GPCPD1: variants seen among roughly 807,000 people sequenced by gnomAD.
The protein encoded by GPCPD1 is glycerophosphocholine phosphodiesterase 1.
A neutral mutation model predicts 89.2 loss-of-function variants in GPCPD1; 29 were observed. The ratio of observed to expected loss-of-function variants is 0.33; its 90% CI spans 0.24 to 0.44. The LOEUF is 0.44. Ranked by LOEUF, GPCPD1 falls within the 20% of genes least tolerant of loss-of-function variation. The probability of loss-of-function intolerance (pLI) is 1.00; values close to 1 mark genes in which losing one functional copy is unlikely to be tolerated. For synonymous variants in GPCPD1, 258 were observed against 266.3 expected (o/e 0.97, Z 0.30); for missense variants, 594 against 808.9 (o/e 0.73, Z 3.22).
chr20:5,555,222 G>A (rs921837554), intron 19 of GPCPD1, among the ~76,000 whole-genome samples: 1 of 152,206 alleles, frequency 6.6e-6, no homozygotes, highest in African/African-American at 2.4e-5. Flanking sequence ...GGTTTGAGAA[G>A]ATGGACTCCA....
rs6053532 is a variant in GPCPD1, at chr20:5,604,680, C to T, written c.-28-240G>A. ...ATAAACCAGGCACAGTGCCTCATGC[C>T]TGTAATACAAACACTTAAGGAGGCT... is the stretch of plus-strand genomic sequence containing the variant. On this transcript the variant is annotated intron_variant, in intron 1 of 19. Transcript: ENST00000379019. Among the ~76,000 whole-genome samples the T allele has an allele frequency of 7.5e-5, 11 of 145,860 alleles. No homozygotes were observed. In the Middle Eastern group the frequency reaches 0.011, roughly 151 times the overall value.
At chr20:5,610,289 C>A (rs1044452415) in intron 1 of GPCPD1, among the ~76,000 whole-genome samples, 3 of 152,306 alleles carry the variant, frequency 2.0e-5, no homozygotes, top group African/African-American at 4.8e-5. Context: ...ATTCCTGGAA[C>A]CTTTTCCTAG....
chr20:5,564,993 C>T (rs1986301951), intron 15 of GPCPD1, 24 bp downstream of exon 15: 4 of 1,162,986 alleles, frequency 3.4e-6, no homozygotes, highest in Admixed American at 3.6e-5. Context: ...GATAGCCTTG[C>T]CTTGGTTTTC....
intron 15 of GPCPD1, 120 bp from the exon 16 acceptor site, chr20:5,561,650 GT>G: frequency 1.7e-6 from 1 of 576,494 alleles, no homozygotes; most frequent in East Asian, 2.9e-5. Context: ...GCAATAAAAT[GT>G]TTTGTGCATA....
chr20:5,550,857 AAC>A lies in GPCPD1; in HGVS notation c.1830-3009_1830-3008del, dbSNP rs1238369866. Among the ~76,000 whole-genome samples, 4 of 152,106 alleles carry A rather than the reference AAC, an allele frequency of 2.6e-5. No homozygotes were observed. In the East Asian group the frequency reaches 7.7e-4, roughly 29 times the overall value. On this transcript the variant is annotated intron_variant, in intron 19 of 19. Coordinates refer to ENST00000379019, the MANE Select transcript of GPCPD1 (RefSeq NM_019593.5). ...ATGAGCTACAGGAAACAGGAGATCT[AAC>A]ACAGAGAATGGCAGGGCACAGGATG...
intron 12 of GPCPD1, among the ~76,000 whole-genome samples, chr20:5,569,310 T>A (rs1215399460): frequency 6.6e-6 from 1 of 152,210 alleles, no homozygotes; most frequent in Non-Finnish European, 1.5e-5. Flanking sequence ...GCTAGCCAAC[T>A]AGACTAACTT....
At chr20:5,599,208 A>G (rs951798782) in intron 2 of GPCPD1, among the ~76,000 whole-genome samples, 4 of 152,208 alleles carry the variant, frequency 2.6e-5, no homozygotes, top group African/African-American at 7.2e-5. Flanking sequence ...TTATTAATCA[A>G]TATTTTCTAG....
chr20:5,573,086 CTTT>C (rs201953819), intron 11 of GPCPD1, among the ~76,000 whole-genome samples: 2 of 144,144 alleles, frequency 1.4e-5, no homozygotes, highest in Non-Finnish European at 1.5e-5. Flanking sequence ...ATCTTTCCTT[CTTT>C]TTTTTTTTTT....
chr20:5,580,937 G>A (rs983672573), intron 6 of GPCPD1, among the ~76,000 whole-genome samples: 1 of 150,124 alleles, frequency 6.7e-6, no homozygotes, highest in Non-Finnish European at 1.5e-5. Flanking sequence ...GCAGTGGCAC[G>A]ATCTCAACTC....
At chr20:5,601,808 C>G (rs1217522377) in intron 2 of GPCPD1, among the ~76,000 whole-genome samples, 1 of 152,194 alleles carries the variant, frequency 6.6e-6, no homozygotes. Flanking sequence ...CAGTGGTTCA[C>G]TTGCCTCTTA....
intron 1 of GPCPD1, among the ~76,000 whole-genome samples, chr20:5,605,585 C>G (rs1456687817): frequency 6.6e-6 from 1 of 152,070 alleles, no homozygotes; most frequent in Non-Finnish European, 1.5e-5. Context: ...TCAAGACCAG[C>G]CTGACCAACA....
intron 8 of GPCPD1, among the ~76,000 whole-genome samples, 179 bp from the exon 9 acceptor site, chr20:5,576,157 A>G (rs893290264): frequency 6.6e-6 from 1 of 151,712 alleles, no homozygotes; most frequent in East Asian, 1.9e-4. Flanking sequence ...TCAGTGGCTC[A>G]CGTCTGTAAT....
chr20:5,586,449 C>G (rs932505901), intron 4 of GPCPD1, among the ~76,000 whole-genome samples, 180 bp from the exon 5 acceptor site: 1 of 152,080 alleles, frequency 6.6e-6, no homozygotes, highest in Admixed American at 6.6e-5. Flanking sequence ...AGATGAAATG[C>G]TGGAAGAAAA....
Position 5,575,934 on chromosome 20 carries a change from T to C in GPCPD1, c.750A>G (p.Gly250=). The C allele has an allele frequency of 6.2e-7, 1 of 1,604,786 alleles. No homozygotes were observed. Among genetic ancestry groups the C allele is most frequent in the East Asian group, 2.2e-5 (1 of 44,852 alleles). The part of the protein sequence containing the change: ...EHVVQGDALP[G]HVGTACLLSS... Reference sequence around the variant, plus strand: ...ATAAGAGACAAGCTGTACCCACATGTCCAGGAAGGGCATCACCCTGAACTA... The same window carrying C: ...ATAAGAGACAAGCTGTACCCACATGCCCAGGAAGGGCATCACCCTGAACTA... Residue 250 remains glycine, a synonymous_variant, in exon 9 of 20, where the codon GGA becomes GGG. Transcript: ENST00000379019.
Position 5,598,806 on chromosome 20 carries a change from A to G in GPCPD1, c.65T>C (p.Ile22Thr), listed in dbSNP as rs1426830136. Residue 22 changes from isoleucine (I) to threonine (T), a missense_variant, in exon 3 of 20, where the codon ATA (isoleucine) becomes ACA (threonine). Transcript: ENST00000379019. ...TCCCAAAGCATCACAGCTTCCACAT[A>G]TCGCAAAAACTTCTCCTAAAGAAAC... Reference protein sequence around the residue: ...GTLLPGEVFAICGSCDALGNW... With the variant: ...GTLLPGEVFATCGSCDALGNW... The G allele has an allele frequency of 1.9e-6, 3 of 1,609,994 alleles. No homozygotes were observed. Among genetic ancestry groups the G allele is most frequent in the South Asian group, 1.1e-5 (1 of 90,970 alleles).
chr20:5,593,142 C>T (rs887910378), intron 4 of GPCPD1, among the ~76,000 whole-genome samples, 185 bp downstream of exon 4: 3 of 152,172 alleles, frequency 2.0e-5, no homozygotes, highest in Non-Finnish European at 4.4e-5. Flanking sequence ...TTTTAAAATT[C>T]CATGGCAGAC....
intron 4 of GPCPD1, among the ~76,000 whole-genome samples, chr20:5,593,121 T>C (rs1418395205): frequency 6.6e-6 from 1 of 152,194 alleles, no homozygotes; most frequent in Non-Finnish European, 1.5e-5. Flanking sequence ...CAGAACATAC[T>C]TACTATGTCT....
At chr20:5,610,773 G>C (rs2122848424) in intron 1 of GPCPD1, 69 bp downstream of exon 1, 1 of 150,586 alleles carries the variant, frequency 6.6e-6, no homozygotes, top group Non-Finnish European at 1.5e-5. Context: ...CCGCGTCCCG[G>C]GCCGCCCTGA....
intron 14 of GPCPD1, among the ~76,000 whole-genome samples, chr20:5,565,608 C>T (rs1433496895): frequency 6.6e-6 from 1 of 152,050 alleles, no homozygotes; most frequent in East Asian, 1.9e-4. Context: ...TCATGAAAAC[C>T]AGTTTGCAAC....
Sources: gnomAD v4.1 joint callset for allele counts (sites outside exome capture counted in the v4.1 genomes callset) on GRCh38, gnomAD v4.1.1 for gene constraint, MANE v1.5 for transcripts, NCBI Gene and HGNC (gene_info 2026-07-23, HGNC 2026-07-21) for gene names.